Variants in SPON1 observed in about 807,000 individuals in gnomAD.
SPON1 encodes the protein spondin 1.
A neutral mutation model predicts 111.7 loss-of-function variants in SPON1; 52 were observed. The observed-to-expected ratio is 0.47, with a 90% CI of 0.37 to 0.59. SPON1 has a LOEUF of 0.59. SPON1 is among the 20% of genes least tolerant of loss of function. SPON1 has a pLI of 0.00. For synonymous variants in SPON1, 410 were observed against 395.8 expected, an observed-to-expected ratio of 1.04 and a Z score of -0.43; for missense variants, 957 against 1,068.5, an observed-to-expected ratio of 0.90 and a Z score of 1.46.
chr11:14,040,360 A>C (rs1401686589), intron 2 of SPON1, among the ~76,000 whole-genome samples: 2 of 152,196 alleles, frequency 1.3e-5, no homozygotes, highest in African/African-American at 2.4e-5. Context: ...TATAGCTCAA[A>C]AGTGTAAAGT....
intron 6 of SPON1, among the ~76,000 whole-genome samples, chr11:14,208,455 C>T (rs1848538767): frequency 1.3e-5 from 2 of 152,020 alleles, no homozygotes; most frequent in South Asian, 4.1e-4. Context: ...TTTCTTTTCA[C>T]TTCTCATATT....
intron 1 of SPON1, among the ~76,000 whole-genome samples, chr11:13,973,725 A>G (rs187831056): frequency 3.9e-5 from 6 of 152,326 alleles, no homozygotes; most frequent in African/African-American, 4.8e-5. Context: ...ATTAATTGTC[A>G]TGATGACAAC....
At chr11:14,162,140 A>G (rs959399422) in intron 6 of SPON1, among the ~76,000 whole-genome samples, 2 of 149,426 alleles carry the variant, frequency 1.3e-5, no homozygotes, top group Admixed American at 6.7e-5. Context: ...CCTGGTCAGA[A>G]AAGCAAGACT....
At chr11:14,056,229 A>C (rs142347918) in intron 3 of SPON1, among the ~76,000 whole-genome samples, 2 of 152,230 alleles carry the variant, frequency 1.3e-5, no homozygotes, top group Admixed American at 1.3e-4. Flanking sequence ...GAGTTAGTGC[A>C]TGTAAAATTC....
intron 5 of SPON1, among the ~76,000 whole-genome samples, chr11:14,090,466 G>A (rs1212173295): frequency 3.9e-5 from 6 of 152,174 alleles, no homozygotes; most frequent in Admixed American, 3.3e-4. Context: ...AAGGTGGTGT[G>A]TCTGGAGTCT....
chr11:13,971,257 C>T (rs1257535331), intron 1 of SPON1, among the ~76,000 whole-genome samples: 1 of 152,164 alleles, frequency 6.6e-6, no homozygotes, highest in East Asian at 1.9e-4. Flanking sequence ...AGAGCAGTTG[C>T]ATCATGGTGG....
At chr11:14,257,993 G>A in intron 11 of SPON1, 95 bp downstream of exon 11, 1 of 1,225,826 alleles carries the variant, frequency 8.2e-7, no homozygotes, top group Non-Finnish European at 1.1e-6. Flanking sequence ...GAGGGCACAA[G>A]GACCCTGACA....
intron 6 of SPON1, among the ~76,000 whole-genome samples, chr11:14,194,971 G>A (rs1174309950): frequency 6.6e-6 from 1 of 152,174 alleles, no homozygotes; most frequent in African/African-American, 2.4e-5. Flanking sequence ...TACGTGAAAT[G>A]TTTACATGAT....
intron 1 of SPON1, among the ~76,000 whole-genome samples, chr11:13,979,902 G>A (rs970950329): frequency 1.3e-5 from 2 of 152,148 alleles, no homozygotes; most frequent in African/African-American, 4.8e-5. Flanking sequence ...GAGAGTCTAA[G>A]ACTGCTTTTT....
chr11:14,074,290 G>A (rs1478281465), intron 3 of SPON1, among the ~76,000 whole-genome samples: 1 of 152,206 alleles, frequency 6.6e-6, no homozygotes, highest in Non-Finnish European at 1.5e-5. Context: ...ATGTAGAGTA[G>A]ATATTTCTTT....
At chr11:14,089,372 C>T (rs566311413) in intron 5 of SPON1, among the ~76,000 whole-genome samples, 16 of 152,140 alleles carry the variant, frequency 1.1e-4, no homozygotes, top group African/African-American at 3.6e-4. Flanking sequence ...GTTAGTTTTC[C>T]TTCTAACAGT....
chr11:14,063,608 T>C (rs1554920102), intron 3 of SPON1, among the ~76,000 whole-genome samples: 1 of 152,204 alleles, frequency 6.6e-6, no homozygotes, highest in Non-Finnish European at 1.5e-5. Context: ...GATGAGCTTA[T>C]GCCACATAAG....
chr11:14,108,076 T>C (rs1849199040), intron 5 of SPON1, among the ~76,000 whole-genome samples: 1 of 152,108 alleles, frequency 6.6e-6, no homozygotes, highest in Non-Finnish European at 1.5e-5. Flanking sequence ...CTGTAGCACC[T>C]TGCAGAAGAC....
At chr11:14,124,441 G>A (rs897964858) in intron 5 of SPON1, among the ~76,000 whole-genome samples, 1 of 152,166 alleles carries the variant, frequency 6.6e-6, no homozygotes, top group African/African-American at 2.4e-5. Flanking sequence ...TTCTGTGTTT[G>A]CCTTTATCAA....
At chr11:14,232,279 G>A (rs539797387) in intron 6 of SPON1, among the ~76,000 whole-genome samples, 42 of 151,910 alleles carry the variant, frequency 2.8e-4, no homozygotes, top group African/African-American at 9.4e-4. Context: ...TAGCTGTTAT[G>A]TCTGCCTCCT....
At chr11:14,079,600 A>G (rs959931429) in intron 4 of SPON1, among the ~76,000 whole-genome samples, 2 of 151,884 alleles carry the variant, frequency 1.3e-5, no homozygotes, top group African/African-American at 4.8e-5. Context: ...TTTACCCCTG[A>G]TTTTTCAACA....
At position 14,267,249 on chromosome 11, in the gene SPON1, C is replaced by A. The variant is rs894855301; in HGVS notation, c.*1562C>A. The A allele has an allele frequency of 1.3e-5, 2 of 152,066 alleles. No homozygotes were observed. The highest frequency in any genetic ancestry group is 2.9e-5 in the Non-Finnish European group (2 of 67,994). 9.4% of individuals were successfully genotyped at this position (152,066 alleles called of 1,614,324 possible). On this transcript the variant is annotated 3_prime_UTR_variant, in exon 16 of 16. Transcript: ENST00000576479. ...AAGCTAAGTAAGTGTTCAGAAGGTT[C>A]TTTTTTATATTGTCCTCCACCTCCA...
At chr11:14,170,121 C>G (rs1277997949) in intron 6 of SPON1, among the ~76,000 whole-genome samples, 120 of 152,206 alleles carry the variant, frequency 7.9e-4, no homozygotes, top group Non-Finnish European at 1.4e-3. Context: ...TTCTTCCTAC[C>G]CATGAGCATG....
At chr11:14,018,861 A>G (rs1308903079) in intron 2 of SPON1, among the ~76,000 whole-genome samples, 1 of 152,220 alleles carries the variant, frequency 6.6e-6, no homozygotes, top group Admixed American at 6.5e-5. Context: ...GAAAGATTTG[A>G]AAAGAAGCAG....
Sources: gnomAD v4.1 joint callset for allele counts (sites outside exome capture counted in the v4.1 genomes callset) on GRCh38, gnomAD v4.1.1 for gene constraint, MANE v1.5 for transcripts, NCBI Gene and HGNC (gene_info 2026-07-23, HGNC 2026-07-21) for gene names.